The following ZCCHC7 variants were observed in gnomAD, a reference collection of about 807,000 sequenced individuals.
The protein encoded by ZCCHC7 is zinc finger CCHC domain-containing protein 7.
ZCCHC7 carries 35 observed loss-of-function variants against 52.0 expected under a neutral mutation model. The ratio of observed to expected loss-of-function variants is 0.67; its 90% CI spans 0.51 to 0.89. The LOEUF (loss-of-function observed/expected upper bound fraction) is 0.89, where lower values mean the gene tolerates loss of function less well. Ranked by LOEUF, ZCCHC7 falls within the 40% of genes least tolerant of loss-of-function variation. The pLI is 0.00. For missense variants in ZCCHC7, 574 were observed against 649.1 expected (o/e 0.88, Z 1.26); for synonymous variants, 217 against 221.5 (o/e 0.98, Z 0.18).
rs550384750 is a variant in ZCCHC7, at chr9:37,149,210, A to G, written c.610+22268A>G. Among the ~76,000 whole-genome samples the G allele has an allele frequency of 9.2e-5, 14 of 152,308 alleles. No homozygotes were observed. The South Asian group carries it at 2.9e-3, about 32-fold the overall frequency. ...CATAGATTATCTTGTACAGTATGGTATAGAATTTTGTTCCATAAATTGGGA... is the reference window on the plus strand; with the variant it reads ...CATAGATTATCTTGTACAGTATGGTGTAGAATTTTGTTCCATAAATTGGGA... On this transcript the variant is annotated intron_variant, in intron 2 of 8. Coordinates refer to ENST00000336755, the MANE Select transcript of ZCCHC7 (RefSeq NM_032226.3).
chr9:37,329,090 C>T (rs1168709653), intron 6 of ZCCHC7, among the ~76,000 whole-genome samples: 3 of 151,766 alleles, frequency 2.0e-5, no homozygotes, highest in Non-Finnish European at 4.4e-5. Flanking sequence ...TAATTAGAAT[C>T]TAATTATATG....
rs574445557 is a variant in ZCCHC7, at chr9:37,142,815, A to G, written c.610+15873A>G. ...TTGAGAAACTTGAATAACCTAAAAT[A>G]TATTTCTAGTATTCAGCACATCAAA... On this transcript the variant is annotated intron_variant, in intron 2 of 8. Coordinates refer to ENST00000336755, the MANE Select transcript of ZCCHC7 (RefSeq NM_032226.3). Among the ~76,000 whole-genome samples the G allele has an allele frequency of 1.1e-4, 17 of 151,960 alleles. 1 individual carries two copies. In the South Asian group the frequency reaches 2.9e-3, roughly 26 times the overall value.
intron 5 of ZCCHC7, among the ~76,000 whole-genome samples, chr9:37,326,701 G>C (rs1234156999): frequency 6.6e-6 from 1 of 151,976 alleles, no homozygotes; most frequent in African/African-American, 2.4e-5. Flanking sequence ...TTTTCAGATT[G>C]TATGAATTAC....
At chr9:37,304,373 G>T (rs549537153) in intron 4 of ZCCHC7, 60 bp downstream of exon 4, 10 of 1,582,794 alleles carry the variant, frequency 6.3e-6, no homozygotes, top group South Asian at 1.2e-5. Flanking sequence ...CAAGGGTGAG[G>T]CTGGGCACGG....
intron 2 of ZCCHC7, among the ~76,000 whole-genome samples, chr9:37,296,317 G>T (rs1276287440): frequency 6.6e-6 from 1 of 152,134 alleles, no homozygotes; most frequent in East Asian, 1.9e-4. Flanking sequence ...TAAAAAGAAG[G>T]TGTGGACAAT....
chr9:37,125,218 T>C (rs1418666458), intron 1 of ZCCHC7, among the ~76,000 whole-genome samples: 2 of 152,182 alleles, frequency 1.3e-5, no homozygotes, highest in African/African-American at 4.8e-5. Flanking sequence ...GGTATGAGCA[T>C]AGCTCACTGT....
In ZCCHC7 at chr9:37,302,209, C is replaced by T. The variant is rs2133695443; in HGVS notation, c.632C>T (p.Ser211Phe). The change falls in exon 3 of 9, where the codon TCC becomes TTC. Residue 211 changes from serine to phenylalanine, a missense_variant. By Grantham distance (155) the Ser-to-Phe change is radical. Transcript: ENST00000336755. Reference protein sequence around the residue: ...VTEGEDGINWSISDKDIEAQI... With the variant: ...VTEGEDGINWFISDKDIEAQI... ...GTAGGAGAAGATGGTATAAACTGGT[C>T]CATCAGTGACAAAGACATTGAGGTA... The T allele has an allele frequency of 1.2e-6, 2 of 1,607,800 alleles. No homozygotes were observed. Among genetic ancestry groups the T allele is most frequent in the South Asian group, 1.1e-5 (1 of 90,088 alleles).
intron 7 of ZCCHC7, among the ~76,000 whole-genome samples, chr9:37,353,602 G>A (rs1302429410): frequency 1.3e-5 from 2 of 152,038 alleles, no homozygotes; most frequent in Admixed American, 6.6e-5. Flanking sequence ...TTTATTCTTG[G>A]GGGAAAAACA....
intron 2 of ZCCHC7, among the ~76,000 whole-genome samples, chr9:37,289,574 G>A (rs1393677143): frequency 1.3e-5 from 2 of 151,926 alleles, no homozygotes; most frequent in Admixed American, 1.3e-4. Context: ...ATCTTTTTTG[G>A]ACTGAATTAT....
At chr9:37,123,820 C>T (rs573882127) in intron 1 of ZCCHC7, among the ~76,000 whole-genome samples, 5 of 152,192 alleles carry the variant, frequency 3.3e-5, no homozygotes, top group Non-Finnish European at 7.3e-5. Flanking sequence ...TCCTCTGAGG[C>T]TAACAATTCA....
chr9:37,287,328 A>G (rs569033602), intron 2 of ZCCHC7, among the ~76,000 whole-genome samples: 1 of 152,052 alleles, frequency 6.6e-6, no homozygotes, highest in Non-Finnish European at 1.5e-5. Flanking sequence ...GTACAAAAGT[A>G]TACAGTCAAC....
chr9:37,255,579 T>G (rs975712536), intron 2 of ZCCHC7, among the ~76,000 whole-genome samples: 4 of 152,142 alleles, frequency 2.6e-5, no homozygotes, highest in Admixed American at 2.0e-4. Flanking sequence ...TAACTGAAAC[T>G]GTGGAACATG....
intron 2 of ZCCHC7, among the ~76,000 whole-genome samples, chr9:37,154,296 G>A (rs925522311): frequency 3.9e-5 from 6 of 152,138 alleles, no homozygotes; most frequent in African/African-American, 1.4e-4. Context: ...TTGTGAGTAT[G>A]AAATGAAATA....
intron 2 of ZCCHC7, among the ~76,000 whole-genome samples, chr9:37,128,293 G>T (rs1842626385): frequency 6.6e-6 from 1 of 152,172 alleles, no homozygotes; most frequent in South Asian, 2.1e-4. Flanking sequence ...AATAAATTCA[G>T]ATGGATTGAG....
At chr9:37,125,983 T>A (rs1842522460) in intron 1 of ZCCHC7, among the ~76,000 whole-genome samples, 1 of 152,224 alleles carries the variant, frequency 6.6e-6, no homozygotes, top group Admixed American at 6.5e-5. Context: ...AGTTGTGTAG[T>A]TGACTACACC....
chr9:37,316,680 G>C (rs1003330200), intron 5 of ZCCHC7, among the ~76,000 whole-genome samples: 30 of 151,962 alleles, frequency 2.0e-4, no homozygotes, highest in African/African-American at 7.3e-4. Context: ...TAATGGTATA[G>C]ATAACAATGT....
intron 2 of ZCCHC7, among the ~76,000 whole-genome samples, chr9:37,262,198 G>A (rs1255643972): frequency 2.0e-5 from 3 of 149,230 alleles, no homozygotes; most frequent in African/African-American, 7.4e-5. Flanking sequence ...TTTTGAACTT[G>A]GTTGGTAGAA....
intron 2 of ZCCHC7, among the ~76,000 whole-genome samples, chr9:37,226,959 G>A (rs1372428022): frequency 6.6e-6 from 1 of 151,220 alleles, no homozygotes; most frequent in Non-Finnish European, 1.5e-5. Flanking sequence ...GAACCTGGGG[G>A]CGGAGCTTGC....
intron 2 of ZCCHC7, among the ~76,000 whole-genome samples, chr9:37,258,946 C>T (rs1320941238): frequency 6.6e-6 from 1 of 151,730 alleles, no homozygotes; most frequent in African/African-American, 2.4e-5. Flanking sequence ...TAATTAAGGA[C>T]AAAACAGGTA....
Sources: allele counts gnomAD v4.1 joint callset (sites outside exome capture counted in the v4.1 genomes callset), GRCh38; gene constraint gnomAD v4.1.1; transcripts MANE v1.5; gene names NCBI Gene and HGNC (gene_info 2026-07-23, HGNC 2026-07-21).